Variants in TAS2R1 observed in about 807,000 individuals in gnomAD.
The protein encoded by TAS2R1 is taste 2 receptor member 1, also known as taste receptor type 2 member 1.
For synonymous variants in TAS2R1, 141 were observed against 134.2 expected (o/e 1.05, Z -0.35); for missense variants, 370 against 353.4 (o/e 1.05, Z -0.38).
chr5:9,687,869 G>A (rs1465321520), intron 1 of TAS2R1, among the ~76,000 whole-genome samples: 1 of 152,138 alleles, frequency 6.6e-6, no homozygotes, highest in Non-Finnish European at 1.5e-5. Flanking sequence ...CATTCTTTCT[G>A]TAACCTCAAG....
intron 2 of TAS2R1, among the ~76,000 whole-genome samples, chr5:9,644,133 G>T (rs539286215): frequency 5.9e-5 from 9 of 152,316 alleles, no homozygotes; most frequent in Admixed American, 5.9e-4. Context: ...ACCCATTGAA[G>T]TGTTTGGGTG....
chr5:9,682,879 G>A (rs1741021722), intron 1 of TAS2R1, among the ~76,000 whole-genome samples: 1 of 152,118 alleles, frequency 6.6e-6, no homozygotes, highest in Admixed American at 6.5e-5. Context: ...TGGCCTCATT[G>A]TTTTCCAACA....
the TAS2R1 span, among the ~76,000 whole-genome samples, chr5:9,723,037 A>G: frequency 2.2e-4 from 34 of 152,344 alleles, no homozygotes; most frequent in South Asian, 8.3e-4. Context: ...AGATGGATAG[A>G]GTGAAAGCAG....
chr5:9,655,711 G>A (rs1289395050), intron 2 of TAS2R1, among the ~76,000 whole-genome samples: 3 of 151,944 alleles, frequency 2.0e-5, no homozygotes, highest in Admixed American at 6.6e-5. Context: ...GCAAAATATA[G>A]GAATAAACAA....
At chr5:9,789,612 T>C in the TAS2R1 span, among the ~76,000 whole-genome samples, 4 of 152,228 alleles carry the variant, frequency 2.6e-5, no homozygotes, top group Admixed American at 1.3e-4. Context: ...CATGACAGCC[T>C]GTGTACCAGA....
At chr5:9,844,737 C>T in the TAS2R1 span, among the ~76,000 whole-genome samples, 70 of 152,080 alleles carry the variant, frequency 4.6e-4, no homozygotes, top group Admixed American at 2.6e-3. Flanking sequence ...TTTTTTTAGG[C>T]CTTTTGTAAT....
At chr5:9,664,651 G>A (rs1005422425) in intron 1 of TAS2R1, among the ~76,000 whole-genome samples, 7 of 152,128 alleles carry the variant, frequency 4.6e-5, no homozygotes, top group African/African-American at 1.7e-4. Context: ...TGGATAAACC[G>A]TGGGATTCTC....
chr5:9,701,229 C>G (rs996708879), intron 1 of TAS2R1, among the ~76,000 whole-genome samples: 2 of 14,680 alleles, frequency 1.4e-4, no homozygotes, highest in South Asian at 2.0e-3. Flanking sequence ...CAGACACACA[C>G]ACACACACAC....
intron 1 of TAS2R1, among the ~76,000 whole-genome samples, chr5:9,678,861 G>A (rs1401079639): frequency 3.9e-5 from 6 of 152,084 alleles, no homozygotes; most frequent in Admixed American, 2.0e-4. Context: ...GTTGATGTGT[G>A]CAGCGAATCA....
At chr5:9,638,829 A>C (rs2126479444) in intron 2 of TAS2R1, among the ~76,000 whole-genome samples, 1 of 152,218 alleles carries the variant, frequency 6.6e-6, no homozygotes, top group African/African-American at 2.4e-5. Context: ...GGTGGTTCTC[A>C]GGCCAATGGG....
At chr5:9,880,136 C>T in the TAS2R1 span, among the ~76,000 whole-genome samples, 1 of 152,138 alleles carries the variant, frequency 6.6e-6, no homozygotes, top group African/African-American at 2.4e-5. Context: ...TAAGTTCAGT[C>T]ATACATAAAC....
chr5:9,695,833 G>A (rs897531700), intron 1 of TAS2R1, among the ~76,000 whole-genome samples: 6 of 152,176 alleles, frequency 3.9e-5, no homozygotes, highest in African/African-American at 1.4e-4. Context: ...GCAGCCAGAA[G>A]CCATGAGAAG....
the TAS2R1 span, among the ~76,000 whole-genome samples, chr5:9,747,454 G>A: frequency 6.6e-6 from 1 of 152,092 alleles, no homozygotes; most frequent in African/African-American, 2.4e-5. Context: ...AGAATGGGAG[G>A]GGGAACTGGC....
the TAS2R1 span, among the ~76,000 whole-genome samples, chr5:9,721,232 C>T: frequency 6.6e-6 from 1 of 152,228 alleles, no homozygotes; most frequent in Non-Finnish European, 1.5e-5. Flanking sequence ...AGGCTGCTTA[C>T]ATTTTTACAT....
chr5:9,778,435 A>G, the TAS2R1 span, among the ~76,000 whole-genome samples: 2 of 152,210 alleles, frequency 1.3e-5, no homozygotes, highest in Non-Finnish European at 2.9e-5. Flanking sequence ...TTAGCCCCTA[A>G]CAAGATAATC....
the TAS2R1 span, among the ~76,000 whole-genome samples, chr5:9,869,505 C>T: frequency 1.3e-5 from 2 of 152,176 alleles, no homozygotes; most frequent in African/African-American, 2.4e-5. Context: ...ATTCCCACGA[C>T]ATGTGGAGAT....
the TAS2R1 span, among the ~76,000 whole-genome samples, chr5:9,719,017 A>G: frequency 3.9e-5 from 6 of 152,342 alleles, no homozygotes; most frequent in East Asian, 5.8e-4. Context: ...GTTACAAAGG[A>G]TATTAATTAT....
At chr5:9,771,088 AG>A in the TAS2R1 span, among the ~76,000 whole-genome samples, 2 of 152,076 alleles carry the variant, frequency 1.3e-5, no homozygotes, top group Non-Finnish European at 2.9e-5. Context: ...CCAATTTTTG[AG>A]GGTATTTATC....
the TAS2R1 span, among the ~76,000 whole-genome samples, chr5:9,770,858 C>A: frequency 2.0e-5 from 3 of 152,120 alleles, no homozygotes; most frequent in Non-Finnish European, 4.4e-5. Context: ...AATTTGGCTT[C>A]TTCCTTTCCA....
Sources: allele counts gnomAD v4.1 joint callset (sites outside exome capture counted in the v4.1 genomes callset), GRCh38; gene constraint gnomAD v4.1.1; transcripts MANE v1.5; gene names NCBI Gene and HGNC (gene_info 2026-07-23, HGNC 2026-07-21).